ORC2: variants seen among roughly 807,000 people sequenced by gnomAD.
The protein encoded by ORC2 is origin recognition complex protein 2 homolog.
A neutral mutation model predicts 77.7 loss-of-function variants in ORC2; 37 were observed. That is an observed-to-expected ratio of 0.48 (90% CI 0.37 to 0.63). The LOEUF (loss-of-function observed/expected upper bound fraction) is 0.63, where lower values mean the gene tolerates loss of function less well. Among genes scored for constraint, ORC2 ranks in the 20% least tolerant of loss-of-function variants. The pLI, the probability that ORC2 is intolerant of heterozygous loss-of-function variation, is 0.00. For missense variants in ORC2, 557 were observed against 661.9 expected (o/e 0.84, Z 1.74); for synonymous variants, 201 against 229.5 (o/e 0.88, Z 1.12).
At chr2:200,954,146 C>T (rs954101617) in intron 4 of ORC2, among the ~76,000 whole-genome samples, 6 of 151,944 alleles carry the variant, frequency 3.9e-5, no homozygotes, top group East Asian at 3.8e-4. Context: ...GATTTTCCTG[C>T]CTCAGCCTCC....
intron 5 of ORC2, among the ~76,000 whole-genome samples, chr2:200,947,870 G>A (rs1286197959): frequency 6.6e-6 from 1 of 151,874 alleles, no homozygotes; most frequent in African/African-American, 2.4e-5. Flanking sequence ...CAAGTAGCTG[G>A]GACTATAGGC....
intron 1 of ORC2, 71 bp downstream of exon 1, chr2:200,963,419 C>A: frequency 2.5e-6 from 1 of 398,622 alleles, no homozygotes; most frequent in Non-Finnish European, 4.4e-6. Context: ...CTGGGTGCAC[C>A]TGGACGCACC....
At chr2:200,929,929 T>C (rs559443082) in intron 11 of ORC2, among the ~76,000 whole-genome samples, 24 of 152,216 alleles carry the variant, frequency 1.6e-4, no homozygotes, top group Non-Finnish European at 3.2e-4. Context: ...TTTAATTTTA[T>C]GTATGTTGAA....
chr2:200,960,070 T>C (rs2041544471), intron 1 of ORC2, among the ~76,000 whole-genome samples: 1 of 152,080 alleles, frequency 6.6e-6, no homozygotes, highest in Admixed American at 6.6e-5. Flanking sequence ...TCCAACCTCC[T>C]GGGCTCAGGT....
intron 7 of ORC2, among the ~76,000 whole-genome samples, chr2:200,939,700 C>T (rs1043462513): frequency 7.9e-5 from 12 of 152,172 alleles, no homozygotes; most frequent in Non-Finnish European, 2.9e-5. Context: ...ACTTGCTTTT[C>T]TAAGACAGTA....
At position 200,963,628 on chromosome 2, in the gene ORC2, G is replaced by T. The variant is rs1325828389; in HGVS notation, c.-198C>A. On this transcript the variant is annotated 5_prime_UTR_variant, in exon 1 of 18. Coordinates refer to ENST00000234296, the MANE Select transcript of ORC2 (RefSeq NM_006190.5). ...CAGTAATTCGCGCCCGACCACCGGG[G>T]AGGTAAGGAGCACCGGAGGCCAGCT... 5.0e-6 allele frequency: 2 copies of T among 398,440 alleles called. No individual in the cohort carries two copies. Among genetic ancestry groups the T allele is most frequent in the East Asian group, 7.1e-5 (2 of 28,078 alleles). 24.7% of individuals were successfully genotyped at this position (398,440 alleles called of 1,614,324 possible). A position where few individuals can be genotyped will look rare whatever the true frequency, so the allele number is the denominator to read the frequency against.
At chr2:200,952,425 A>C (rs2041377879) in intron 4 of ORC2, among the ~76,000 whole-genome samples, 1 of 151,688 alleles carries the variant, frequency 6.6e-6, no homozygotes, top group Non-Finnish European at 1.5e-5. Flanking sequence ...ACACCCGGCT[A>C]ATTTTTTTTG....
At chr2:200,951,155 T>C (rs2041348447) in intron 4 of ORC2, among the ~76,000 whole-genome samples, 1 of 152,220 alleles carries the variant, frequency 6.6e-6, no homozygotes, top group South Asian at 2.1e-4. Flanking sequence ...TTTCACTTAG[T>C]AACATACTTT....
chr2:200,938,979 C>T (rs1390095826), intron 7 of ORC2, among the ~76,000 whole-genome samples: 2 of 149,864 alleles, frequency 1.3e-5, no homozygotes, highest in African/African-American at 2.5e-5. Context: ...GTGGAGGTTG[C>T]GGTGAGCCGA....
rs2041505525 is a variant in ORC2, at chr2:200,958,128, G to A, written c.-5C>T. The A allele has an allele frequency of 1.2e-6, 2 of 1,600,938 alleles. No homozygotes were observed. Among genetic ancestry groups the A allele is most frequent in the African/African-American group, 1.3e-5 (1 of 74,534 alleles). On this transcript the variant is annotated 5_prime_UTR_variant, in exon 3 of 18. An upstream open reading frame in the 5' UTR gains an earlier in-frame stop. Coordinates refer to ENST00000234296, the MANE Select transcript of ORC2 (RefSeq NM_006190.5). ...CTTTAATTCTGGTTTACTCATTGTT[G>A]CCAACCTAAACAAAAACAGTAAGTT... is the stretch of plus-strand genomic sequence containing the variant.
intron 11 of ORC2, among the ~76,000 whole-genome samples, chr2:200,927,366 G>A (rs2040857952): frequency 6.6e-6 from 1 of 151,762 alleles, no homozygotes; most frequent in Admixed American, 6.6e-5. Context: ...CTACAGGTGT[G>A]AGCCACCATG....
intron 5 of ORC2, among the ~76,000 whole-genome samples, chr2:200,945,370 A>C (rs2041232268): frequency 6.6e-6 from 1 of 152,192 alleles, no homozygotes; most frequent in African/African-American, 2.4e-5. Context: ...AGACTGGGCA[A>C]CATGAAGAAA....
intron 11 of ORC2, among the ~76,000 whole-genome samples, chr2:200,928,046 A>AAAAG (rs888428795): frequency 1.3e-5 from 2 of 152,106 alleles, no homozygotes. Context: ...CCTAAAAAAA[A>AAAAG]AAAGTATTCT....
intron 5 of ORC2, among the ~76,000 whole-genome samples, chr2:200,946,148 A>T (rs1003152250): frequency 1.4e-4 from 20 of 146,158 alleles, no homozygotes; most frequent in African/African-American, 2.5e-4. Flanking sequence ...ATGAAAATCT[A>T]TTTTTTTTTT....
At chr2:200,938,767 G>C (rs374780130) in intron 7 of ORC2, among the ~76,000 whole-genome samples, 1 of 152,170 alleles carries the variant, frequency 6.6e-6, no homozygotes, top group African/African-American at 2.4e-5. Context: ...GCCGGGCACA[G>C]TGGCTCATGC....
At chr2:200,942,177 T>C (rs1480986717) in intron 6 of ORC2, among the ~76,000 whole-genome samples, 2 of 151,906 alleles carry the variant, frequency 1.3e-5, no homozygotes, top group Non-Finnish European at 1.5e-5. Context: ...CTGGGCAACA[T>C]AGCGAGACCC....
In ORC2 at chr2:200,941,234, AG is replaced by A; in HGVS notation, c.453+13del. On this transcript the variant is annotated intron_variant, in intron 7 of 17. Coordinates refer to ENST00000234296, the MANE Select transcript of ORC2 (RefSeq NM_006190.5). Reference sequence around the variant, plus strand: ...TGTAACACTAAGGCTTTTGCTTTTTAGTCAATTGCTTACCTTCGGTTGAACC... The same window carrying A: ...TGTAACACTAAGGCTTTTGCTTTTTATCAATTGCTTACCTTCGGTTGAACC... The A allele has an allele frequency of 6.2e-7, 1 of 1,606,058 alleles. No homozygotes were observed. Among genetic ancestry groups the A allele is most frequent in the Non-Finnish European group, 8.5e-7 (1 of 1,174,126 alleles).
intron 13 of ORC2, among the ~76,000 whole-genome samples, chr2:200,923,469 C>G (rs1013082377): frequency 3.9e-5 from 6 of 152,072 alleles, no homozygotes; most frequent in Admixed American, 3.3e-4. Flanking sequence ...AGGCTGGTCT[C>G]AAACTCCTAA....
intron 3 of ORC2, among the ~76,000 whole-genome samples, 166 bp downstream of exon 3, chr2:200,957,864 G>A (rs1396826376): frequency 1.3e-5 from 2 of 152,040 alleles, no homozygotes; most frequent in African/African-American, 4.8e-5. Flanking sequence ...TTCAATTAAA[G>A]TTTGAAAGAA....
Sources: gnomAD v4.1 joint callset for allele counts (sites outside exome capture counted in the v4.1 genomes callset) on GRCh38, gnomAD v4.1.1 for gene constraint, MANE v1.5 for transcripts, NCBI Gene and HGNC (gene_info 2026-07-23, HGNC 2026-07-21) for gene names.